RBM45: variants seen among roughly 807,000 people sequenced by gnomAD.
RBM45 encodes RNA-binding protein 45.
A neutral mutation model predicts 58.5 loss-of-function variants in RBM45; 39 were observed. The observed-to-expected ratio is 0.67, with a 90% confidence interval of 0.52 to 0.87. RBM45 has a LOEUF of 0.87. Among genes scored for constraint, RBM45 ranks in the 40% least tolerant of loss-of-function variants. RBM45 has a pLI of 0.00. For missense variants in RBM45, 481 were observed against 581.6 expected, an observed-to-expected ratio of 0.83 and a Z score of 1.78; for synonymous variants, 193 against 203.0, an observed-to-expected ratio of 0.95 and a Z score of 0.42.
chr2:178,134,242 G>C (rs2153907564), downstream of RBM45, among the ~76,000 whole-genome samples: 1 of 152,274 alleles, frequency 6.6e-6, no homozygotes, highest in East Asian at 1.9e-4. Context: ...CAGAAGGAAG[G>C]CATCGGAAGA....
intron 1 of RBM45, among the ~76,000 whole-genome samples, chr2:178,114,654 T>C (rs2087749110): frequency 6.6e-6 from 1 of 152,168 alleles, no homozygotes; most frequent in African/African-American, 2.4e-5. Flanking sequence ...AGTGGCTTCT[T>C]GATCACAGCT....
At chr2:178,119,786 C>G (rs1186930648) in intron 3 of RBM45, among the ~76,000 whole-genome samples, 1 of 152,120 alleles carries the variant, frequency 6.6e-6, no homozygotes, top group African/African-American at 2.4e-5. Flanking sequence ...GAAGCTCATC[C>G]TTGGACCCCT....
chr2:178,123,996 C>T (rs1475436357), intron 7 of RBM45, 84 bp downstream of exon 7: 1 of 1,498,952 alleles, frequency 6.7e-7, no homozygotes, highest in Non-Finnish European at 9.2e-7. Context: ...TGTTGATTAT[C>T]TGTGTATGAA....
rs763633377 is a variant in RBM45 at position 178,126,086 on chromosome 2, A to G, written c.1335A>G (p.Leu445=). 42 of 1,613,686 alleles carry G rather than the reference A, an allele frequency of 2.6e-5. No individual in the cohort carries two copies. The highest frequency in any genetic ancestry group is 3.1e-5 in the Non-Finnish European group (37 of 1,179,694). The part of the protein sequence containing the change: ...RISANDAIAT[L]HGKILNGVRL... Reference sequence around the variant, plus strand: ...GTGCTAATGATGCCATTGCCACTCTACATGGAAAGATTCTGAATGGGGTGA... The same window carrying G: ...GTGCTAATGATGCCATTGCCACTCTGCATGGAAAGATTCTGAATGGGGTGA... The change falls in exon 9 of 10, where the codon CTA becomes CTG. Residue 445 remains leucine, a synonymous_variant. Coordinates refer to ENST00000286070, the MANE Select transcript of RBM45 (RefSeq NM_152945.4).
rs2087802774 is a variant in RBM45 at position 178,118,154 on chromosome 2, G to A, written c.523G>A (p.Ala175Thr). 2 of 1,611,718 alleles carry A rather than the reference G, an allele frequency of 1.2e-6. 1 individual carries two copies. Among genetic ancestry groups the A allele is most frequent in the South Asian group, 2.2e-5 (2 of 90,776 alleles). Residue 175 changes from alanine (A) to threonine (T), a missense_variant, in exon 3 of 10, where the codon GCC (alanine) becomes ACC (threonine). Transcript: ENST00000286070. ...ACGATACTTAAAACCATCACAAGCT[G>A]CCCAAGCAATAGAAAACTGTGATCG... The part of the protein sequence containing the change: ...YVRYLKPSQA[A>T]QAIENCDRSF...
chr2:178,124,292 T>C lies in RBM45; in HGVS notation c.1232+2T>C. The C allele has an allele frequency of 1.3e-6, 2 of 1,500,950 alleles. No individual in the cohort carries two copies. The highest frequency in any genetic ancestry group is 1.8e-6 in the Non-Finnish European group (2 of 1,108,976). 93.0% of individuals were successfully genotyped at this position (1,500,950 alleles called of 1,614,324 possible). ...AGACGTATTAGAAGATATATTCTGG[T>C]AAGAAAGTTACATTTTTTGTTATAT... On this transcript the variant is annotated splice_donor_variant, in intron 8 of 9. Transcript: ENST00000286070. LOFTEE classifies it high-confidence loss of function.
chr2:178,133,998 A>G (rs1399995575), downstream of RBM45: 1 of 152,218 alleles, frequency 6.6e-6, no homozygotes, highest in Non-Finnish European at 1.5e-5. Context: ...TATTTAAGGT[A>G]GAAAAGTCTT....
At chr2:178,124,758 G>A (rs148685124) in intron 8 of RBM45, among the ~76,000 whole-genome samples, 49 of 152,280 alleles carry the variant, frequency 3.2e-4, no homozygotes, top group Non-Finnish European at 5.1e-4. Context: ...AGGTTGCAGT[G>A]AGCCAAGATT....
intron 2 of RBM45, among the ~76,000 whole-genome samples, chr2:178,116,983 A>G (rs749949705): frequency 1.3e-5 from 2 of 152,190 alleles, no homozygotes; most frequent in African/African-American, 4.8e-5. Context: ...GCTCTGACCT[A>G]TATAAGTGAA....
intron 3 of RBM45, among the ~76,000 whole-genome samples, chr2:178,118,774 A>G (rs1293727241): frequency 6.6e-6 from 1 of 152,182 alleles, no homozygotes; most frequent in African/African-American, 2.4e-5. Context: ...ACCTTTAGAA[A>G]TGATATGTAG....
At chr2:178,129,714 A>G (rs1434251932), downstream of RBM45, 2 of 152,676 alleles carry the variant, frequency 1.3e-5, no homozygotes, top group African/African-American at 2.4e-5. Flanking sequence ...AGTCTTTAGA[A>G]TTTGACTAAA....
At chr2:178,124,384 G>A in intron 8 of RBM45, 94 bp downstream of exon 8, 1 of 705,934 alleles carries the variant, frequency 1.4e-6, no homozygotes, top group Non-Finnish European at 2.2e-6. Context: ...TACCTATCAA[G>A]TAGAGAGTAT....
rs2087888484 is a variant in RBM45, at chr2:178,123,774, G to A, written c.984-54G>A. On this transcript the variant is annotated intron_variant, in intron 6 of 9. Coordinates refer to ENST00000286070, the MANE Select transcript of RBM45 (RefSeq NM_152945.4). ...AGAAAGTCACACAAAACAAGCTACT[G>A]TTAAAAGACTGAATATTTTTAGTTT... The A allele has an allele frequency of 5.0e-6, 8 of 1,604,450 alleles. No homozygotes were observed. The South Asian group carries it at 7.8e-5, about 16-fold the overall frequency.
Position 178,124,127 on chromosome 2 carries a change from C to A in RBM45, c.1069C>A (p.Gln357Lys). ...WNNPSQQQFM[Q>K]FGGSSGSQLP... is the part of the protein sequence containing the mutation. Reference sequence around the variant, plus strand: ...TTTCTTGTTTTCTACCTGTTAACAGCAATTTGGAGGAAGCTCTGGATCACA... The same window carrying A: ...TTTCTTGTTTTCTACCTGTTAACAGAAATTTGGAGGAAGCTCTGGATCACA... The change falls in exon 8 of 10, where the codon CAA becomes AAA. Residue 357 changes from glutamine to lysine, a missense_variant and splice_region_variant. Gln to Lys is a moderately conservative substitution (Grantham distance 53). Transcript: ENST00000286070. The A allele has an allele frequency of 6.3e-7, 1 of 1,582,304 alleles. No homozygotes were observed. The highest frequency in any genetic ancestry group is 8.5e-7 in the Non-Finnish European group (1 of 1,171,118).
chr2:178,126,238 G>A (rs1273283622), intron 9 of RBM45, 54 bp downstream of exon 9: 2 of 1,219,796 alleles, frequency 1.6e-6, no homozygotes, highest in Non-Finnish European at 2.3e-6. Flanking sequence ...AGTATATGAG[G>A]AATATGTGTA....
At position 178,123,542 on chromosome 2, in the gene RBM45, T is replaced by C. The variant is rs2105906138; in HGVS notation, c.874T>C (p.Phe292Leu). The part of the protein sequence containing the change: ...SNYGHGVVQY[F>L]NVASAIYAKY... ...TTTAGGTCATGGAGTGGTTCAGTAT[T>C]TTAATGTAGCATCAGCTATTTATGC... The change falls in exon 6 of 10, where the codon TTT (phenylalanine) becomes CTT (leucine). Residue 292 changes from phenylalanine (F) to leucine (L), a missense_variant. By Grantham distance (22) the Phe-to-Leu change is conservative. Coordinates refer to ENST00000286070, the MANE Select transcript of RBM45 (RefSeq NM_152945.4). 2 of 1,597,950 alleles carry C rather than the reference T, an allele frequency of 1.3e-6. No individual in the cohort carries two copies. The highest frequency in any genetic ancestry group is 2.2e-5 in the East Asian group (1 of 44,810).
At position 178,123,843 on chromosome 2, in the gene RBM45, G is replaced by A. The variant is rs541930133; in HGVS notation, c.999G>A (p.Met333Ile). The change falls in exon 7 of 10, where the codon ATG (methionine) becomes ATA (isoleucine). Residue 333 changes from methionine (M) to isoleucine (I), a missense_variant. Coordinates refer to ENST00000286070, the MANE Select transcript of RBM45 (RefSeq NM_152945.4). ...TTTTTTCCAGTCTCCTTAGAAAAAT[G>A]GCAACACAGATGGTAGCTGCACAGC... ...GSNATDLLRK[M>I]ATQMVAAQLA... 121 of 1,613,854 alleles carry A rather than the reference G, an allele frequency of 7.5e-5. 1 individual carries two copies. The East Asian group carries it at 2.1e-3, about 28-fold the overall frequency.
Position 178,112,515 on chromosome 2 carries a change from G to T in RBM45, c.-32G>T. 6.3e-7 allele frequency: 1 copy of T among 1,591,546 alleles called. No individual in the cohort carries two copies. Among genetic ancestry groups the T allele is most frequent in the South Asian group, 1.1e-5 (1 of 88,758 alleles). The stretch of plus-strand genomic sequence containing the variant: ...GTGGCAGACACCGCAGAAGCAAAGA[G>T]CAGTGAGGCTCCTGCATTCGGGTGG... On this transcript the variant is annotated 5_prime_UTR_variant, in exon 1 of 10. Transcript: ENST00000286070.
chr2:178,132,545 T>C (rs1015603769), downstream of RBM45, among the ~76,000 whole-genome samples: 3 of 152,154 alleles, frequency 2.0e-5, no homozygotes, highest in African/African-American at 7.2e-5. Context: ...GAGATGGAAA[T>C]GATGGTGTTT....
Sources: gnomAD v4.1 joint callset for allele counts (sites outside exome capture counted in the v4.1 genomes callset) on GRCh38, gnomAD v4.1.1 for gene constraint, MANE v1.5 for transcripts, NCBI Gene and HGNC (gene_info 2026-07-23, HGNC 2026-07-21) for gene names.